Variants in HECW2 observed in about 807,000 individuals in gnomAD.
HECW2 encodes the protein E3 ubiquitin-protein ligase HECW2.
A neutral mutation model predicts 175.2 loss-of-function variants in HECW2; 61 were observed. That is an observed-to-expected ratio of 0.35 (90% CI 0.28 to 0.43). The LOEUF (loss-of-function observed/expected upper bound fraction) is 0.43, where lower values mean the gene tolerates loss of function less well. Among genes scored for constraint, HECW2 ranks in the 20% least tolerant of loss-of-function variants. HECW2 has a pLI of 1.00. For synonymous variants in HECW2, 671 were observed against 731.0 expected, an observed-to-expected ratio of 0.92 and a Z score of 1.32; for missense variants, 1,524 against 2,000.5, an observed-to-expected ratio of 0.76 and a Z score of 4.54.
At chr2:196,212,831 T>A (rs1687340633) in intron 28 of HECW2, among the ~76,000 whole-genome samples, 3 of 152,214 alleles carry the variant, frequency 2.0e-5, no homozygotes, top group African/African-American at 7.2e-5. Flanking sequence ...AAGCATTCCC[T>A]TTTCTCTGCA....
chr2:196,216,880 T>C, intron 27 of HECW2, 128 bp downstream of exon 27: 1 of 607,624 alleles, frequency 1.6e-6, no homozygotes, highest in Non-Finnish European at 2.7e-6. Context: ...AGTCTGGAAA[T>C]GGTGTATCTC....
chr2:196,401,480 T>C (rs1245637809), intron 2 of HECW2, among the ~76,000 whole-genome samples: 1 of 152,204 alleles, frequency 6.6e-6, no homozygotes, highest in Non-Finnish European at 1.5e-5. Flanking sequence ...AGGGAAACAA[T>C]TAGTATTATT....
intron 21 of HECW2, among the ~76,000 whole-genome samples, chr2:196,232,181 A>C (rs1465782097): frequency 6.6e-6 from 1 of 152,172 alleles, no homozygotes; most frequent in Non-Finnish European, 1.5e-5. Flanking sequence ...ATACTTCAGG[A>C]GTCAGTTTTC....
chr2:196,513,881 C>G (rs1161167193), intron 1 of HECW2, among the ~76,000 whole-genome samples: 1 of 152,208 alleles, frequency 6.6e-6, no homozygotes, highest in African/African-American at 2.4e-5. Flanking sequence ...ACCTTTCTAG[C>G]ATTTGGGCAC....
At chr2:196,221,036 T>A in intron 24 of HECW2, 95 bp from the exon 25 acceptor site, 2 of 1,358,456 alleles carry the variant, frequency 1.5e-6, no homozygotes, top group East Asian at 4.6e-5. Context: ...CAGCTACCTG[T>A]CCCAGCCCTG....
chr2:196,569,340 T>TCTAAACTAAACTAAACTAAACTAAA (rs200812711), intron 1 of HECW2, among the ~76,000 whole-genome samples: 22 of 149,404 alleles, frequency 1.5e-4, no homozygotes, highest in Non-Finnish European at 2.2e-4. Context: ...AGACACTGTC[T>TCTAAACTAAACTAAACTAAACTAAA]CTAAACTAAA....
intron 10 of HECW2, 37 bp downstream of exon 10, chr2:196,317,237 T>C (rs1431930095): frequency 6.8e-7 from 1 of 1,461,868 alleles, no homozygotes; most frequent in South Asian, 1.2e-5. Context: ...TTTCACCGTT[T>C]GATTAAGGTG....
chr2:196,424,271 T>A (rs1343889068), intron 2 of HECW2, among the ~76,000 whole-genome samples: 4 of 152,070 alleles, frequency 2.6e-5, no homozygotes, highest in Non-Finnish European at 4.4e-5. Flanking sequence ...ATCCTCTTTC[T>A]CCCTCTCTTC....
intron 28 of HECW2, among the ~76,000 whole-genome samples, chr2:196,211,880 T>A (rs1687300076): frequency 6.6e-6 from 1 of 152,158 alleles, no homozygotes; most frequent in Non-Finnish European, 1.5e-5. Context: ...TCTTGCTCTG[T>A]CGCCCAGGCT....
chr2:196,489,024 CAA>C (rs1335640907), intron 1 of HECW2, among the ~76,000 whole-genome samples: 1 of 151,896 alleles, frequency 6.6e-6, no homozygotes, highest in African/African-American at 2.4e-5. Flanking sequence ...CTAACTAAAA[CAA>C]AAAAGAGACT....
At chr2:196,574,932 T>C (rs78684799) in intron 1 of HECW2, among the ~76,000 whole-genome samples, 3,297 of 152,022 alleles carry the variant, frequency 0.022, 120 homozygotes, top group African/African-American at 0.076. Flanking sequence ...AGGGAAAGGA[T>C]AGTCATTTAA....
intron 1 of HECW2, among the ~76,000 whole-genome samples, chr2:196,541,987 G>A (rs1420706188): frequency 6.6e-6 from 1 of 152,130 alleles, no homozygotes; most frequent in Non-Finnish European, 1.5e-5. Context: ...AAAGGTGCCA[G>A]GCACGGTGGC....
At chr2:196,264,315 G>A (rs542232081) in intron 17 of HECW2, 1 of 152,286 alleles carries the variant, frequency 6.6e-6, no homozygotes, top group Non-Finnish European at 1.5e-5. Flanking sequence ...GACAGTCCAA[G>A]TCTAATGAGT....
intron 1 of HECW2, among the ~76,000 whole-genome samples, chr2:196,535,779 C>A (rs1252720995): frequency 6.6e-6 from 1 of 152,152 alleles, no homozygotes; most frequent in Non-Finnish European, 1.5e-5. Flanking sequence ...GAAGAAGAGA[C>A]TCCAGGGACA....
chr2:196,251,619 A>G (rs1688857285), intron 19 of HECW2, among the ~76,000 whole-genome samples: 1 of 152,152 alleles, frequency 6.6e-6, no homozygotes, highest in Non-Finnish European at 1.5e-5. Context: ...TAGCCTAGGT[A>G]GTGAGGGCCT....
At chr2:196,288,827 C>T (rs940045432) in intron 14 of HECW2, 3 of 152,224 alleles carry the variant, frequency 2.0e-5, no homozygotes, top group Admixed American at 6.5e-5. Flanking sequence ...TGAAGATATC[C>T]CTTCACCCTC....
chr2:196,386,957 A>G (rs1559081312), intron 2 of HECW2, among the ~76,000 whole-genome samples: 1 of 152,158 alleles, frequency 6.6e-6, no homozygotes, highest in African/African-American at 2.4e-5. Flanking sequence ...ACAAGGCTAT[A>G]ATACTAACTC....
intron 4 of HECW2, among the ~76,000 whole-genome samples, chr2:196,330,068 TA>T (rs1428595809): frequency 6.6e-6 from 1 of 152,184 alleles, no homozygotes; most frequent in Non-Finnish European, 1.5e-5. Flanking sequence ...CCTACCCATA[TA>T]TACAGAATTA....
intron 13 of HECW2, among the ~76,000 whole-genome samples, chr2:196,300,030 G>C (rs1462601796): frequency 2.0e-5 from 3 of 152,144 alleles, no homozygotes; most frequent in Non-Finnish European, 4.4e-5. Context: ...GTATGAAGAC[G>C]GCAGCCCAAA....
Sources: gnomAD v4.1 joint callset for allele counts (sites outside exome capture counted in the v4.1 genomes callset) on GRCh38, gnomAD v4.1.1 for gene constraint, MANE v1.5 for transcripts, NCBI Gene and HGNC (gene_info 2026-07-23, HGNC 2026-07-21) for gene names.